Variants in DPYD observed in about 807,000 individuals in gnomAD.
DPYD encodes the protein dihydropyrimidine dehydrogenase, also known as dihydropyrimidine dehydrogenase [NADP(+)].
In DPYD, 109 loss-of-function variants were observed where a neutral mutation model predicts 116.2. That is an observed-to-expected ratio of 0.94 (90% CI 0.80 to 1.10). The LOEUF is 1.10. DPYD is among the 50% of genes least tolerant of loss of function. The probability of loss-of-function intolerance (pLI) is 0.00; values close to 1 mark genes in which losing one functional copy is unlikely to be tolerated. For synonymous variants in DPYD, 440 were observed against 432.0 expected, an observed-to-expected ratio of 1.02 and a Z score of -0.23; for missense variants, 1,302 against 1,254.5, an observed-to-expected ratio of 1.04 and a Z score of -0.57.
In DPYD at chr1:97,823,321, A is replaced by AT. The variant is rs1669060309; in HGVS notation, c.233+4792dup. ...AGGCCCCCGCCACCATACCCGGCTAATTTTTTGCATATTTAGTAGAGACGG... is the reference window on the plus strand; with the variant it reads ...AGGCCCCCGCCACCATACCCGGCTAATTTTTTTGCATATTTAGTAGAGACGG... On this transcript the variant is annotated intron_variant, in intron 3 of 22. Coordinates refer to ENST00000370192, the MANE Select transcript of DPYD (RefSeq NM_000110.4). 4.6e-5 allele frequency among the ~76,000 whole-genome samples: 7 copies of AT among 152,108 alleles called. No homozygotes were observed. The South Asian group carries it at 1.5e-3, about 32-fold the overall frequency.
intron 13 of DPYD, among the ~76,000 whole-genome samples, chr1:97,484,478 G>A (rs7545712): frequency 0.54 from 81,609 of 151,996 alleles, 22,175 homozygotes; most frequent in Admixed American, 0.61. Context: ...TCTGAAGATG[G>A]TAAATATTGG....
intron 2 of DPYD, among the ~76,000 whole-genome samples, chr1:97,838,611 C>T (rs1254241459): frequency 6.7e-6 from 1 of 149,810 alleles, no homozygotes; most frequent in African/African-American, 2.5e-5. Context: ...TTTGGGAGGC[C>T]GAGGCGGGTG....
Position 97,772,505 on chromosome 1 carries a change from T to C in DPYD, c.234-32026A>G, listed in dbSNP as rs372839351. ...AAAAGTATAATTTCAATAGATCACATTGAAGGCAGAAGTGTAATTTCACAG... is the reference window on the plus strand; with the variant it reads ...AAAAGTATAATTTCAATAGATCACACTGAAGGCAGAAGTGTAATTTCACAG... On this transcript the variant is annotated intron_variant, in intron 3 of 22. Coordinates refer to ENST00000370192, the MANE Select transcript of DPYD (RefSeq NM_000110.4). 2.6e-5 allele frequency among the ~76,000 whole-genome samples: 4 copies of C among 152,304 alleles called. No homozygotes were observed. The East Asian group carries it at 5.8e-4, about 22-fold the overall frequency.
In DPYD at chr1:97,398,975, CT is replaced by C. The variant is rs893824379; in HGVS notation, c.1906-16515del. Among the ~76,000 whole-genome samples the C allele has an allele frequency of 1.4e-4, 22 of 152,196 alleles. No homozygotes were observed. In the East Asian group the frequency reaches 4.1e-3, roughly 28 times the overall value. On this transcript the variant is annotated intron_variant, in intron 14 of 22. Transcript: ENST00000370192. The stretch of plus-strand genomic sequence containing the variant: ...ATTAGATCCCATTTGTCAATTTTGT[CT>C]TTTGTTGCCATTGCTTTTGGTGTTT...
chr1:97,375,081 A>T (rs1335418574), intron 15 of DPYD, among the ~76,000 whole-genome samples: 2 of 151,982 alleles, frequency 1.3e-5, no homozygotes, highest in Non-Finnish European at 2.9e-5. Context: ...TGGAGGAATA[A>T]ACTAGCTGAT....
intron 14 of DPYD, among the ~76,000 whole-genome samples, chr1:97,426,727 TA>T (rs557368171): frequency 3.5e-4 from 53 of 152,074 alleles, no homozygotes; most frequent in African/African-American, 1.2e-3. Context: ...GATATTTTAG[TA>T]AAGGCAAAGA....
intron 2 of DPYD, among the ~76,000 whole-genome samples, chr1:97,846,074 G>A (rs1433143336): frequency 6.6e-6 from 1 of 152,170 alleles, no homozygotes; most frequent in Admixed American, 6.5e-5. Flanking sequence ...CTGGTGGTGC[G>A]AGCCGAGAAC....
At chr1:97,323,397 C>T (rs1389371031) in intron 16 of DPYD, among the ~76,000 whole-genome samples, 1 of 43,982 alleles carries the variant, frequency 2.3e-5, no homozygotes, top group Non-Finnish European at 7.3e-5. Flanking sequence ...CGTATGTATA[C>T]ATATGTGTAT....
chr1:97,469,403 A>AAAAAAAAAAAAAAAAAAAAAAAAAC (rs1325755842), intron 13 of DPYD, among the ~76,000 whole-genome samples: 1 of 6,962 alleles, frequency 1.4e-4, no homozygotes, highest in Non-Finnish European at 8.5e-4. Flanking sequence ...ATTGCAAAAA[A>AAAAAAAAAAAAAAAAAAAAAAAAAC]AAAAAAAAAA....
rs564755635 is a variant in DPYD at position 97,585,411 on chromosome 1, T to C, written c.1128+7807A>G. 1.4e-3 allele frequency among the ~76,000 whole-genome samples: 212 copies of C among 152,294 alleles called. 1 individual carries two copies. Among genetic ancestry groups the C allele is most frequent in the African/African-American group, 4.9e-3 (205 of 41,570 alleles). On this transcript the variant is annotated intron_variant, in intron 10 of 22. Coordinates refer to ENST00000370192, the MANE Select transcript of DPYD (RefSeq NM_000110.4). ...GTGTAGTAGTTAGGGGCTCCCCTGG[T>C]ACTAAGATATTAAGTACACCTCTAA...
intron 8 of DPYD, among the ~76,000 whole-genome samples, chr1:97,661,116 A>G (rs72975777): frequency 6.7e-4 from 102 of 152,336 alleles, no homozygotes; most frequent in African/African-American, 2.3e-3. Flanking sequence ...ATTACATATT[A>G]GAGGAGAAAT....
chr1:97,549,129 C>T (rs1328850715), intron 12 of DPYD, among the ~76,000 whole-genome samples: 2 of 151,798 alleles, frequency 1.3e-5, no homozygotes, highest in Non-Finnish European at 2.9e-5. Flanking sequence ...GCAAGTGGCA[C>T]GATCATGGCT....
chr1:97,881,244 T>C (rs866557078), intron 2 of DPYD, among the ~76,000 whole-genome samples: 4 of 151,992 alleles, frequency 2.6e-5, no homozygotes, highest in South Asian at 2.1e-4. Flanking sequence ...TAATCCAATA[T>C]AGCCGATGTC....
In DPYD at chr1:97,699,347, T is replaced by A. The variant is rs549883453; in HGVS notation, c.680+4A>T. On this transcript the variant is annotated splice_donor_region_variant and intron_variant, in intron 6 of 22. Transcript: ENST00000370192. Reference sequence around the variant, plus strand: ...TATAAACATGAAATAAATGTAGGCATTACCTTAAACCACCAACATATTCTT... The same window carrying A: ...TATAAACATGAAATAAATGTAGGCAATACCTTAAACCACCAACATATTCTT... The A allele has an allele frequency of 6.2e-7, 1 of 1,612,704 alleles. No individual in the cohort carries two copies. Among genetic ancestry groups the A allele is most frequent in the Non-Finnish European group, 8.5e-7 (1 of 1,178,814 alleles).
At chr1:97,471,690 G>A (rs939675862) in intron 13 of DPYD, among the ~76,000 whole-genome samples, 7 of 151,818 alleles carry the variant, frequency 4.6e-5, no homozygotes, top group African/African-American at 7.3e-5. Context: ...CCGGGTCCAA[G>A]CGATTCTCCT....
intron 3 of DPYD, among the ~76,000 whole-genome samples, chr1:97,752,896 T>C (rs1411427270): frequency 1.3e-5 from 2 of 152,220 alleles, no homozygotes; most frequent in Admixed American, 6.5e-5. Flanking sequence ...GTTAGTCTAC[T>C]TGGAAATAGA....
intron 8 of DPYD, among the ~76,000 whole-genome samples, chr1:97,599,681 C>T (rs1357729864): frequency 6.6e-6 from 1 of 150,988 alleles, no homozygotes; most frequent in Non-Finnish European, 1.5e-5. Context: ...TAGCACAGAC[C>T]ACAGAGAAAC....
At chr1:97,745,062 C>A (rs1291557155) in intron 3 of DPYD, among the ~76,000 whole-genome samples, 1 of 152,006 alleles carries the variant, frequency 6.6e-6, no homozygotes, top group African/African-American at 2.4e-5. Context: ...CCTATTTATA[C>A]CTCTGTGCTT....
intron 3 of DPYD, among the ~76,000 whole-genome samples, chr1:97,744,692 G>C (rs1664450516): frequency 6.6e-6 from 1 of 151,798 alleles, no homozygotes; most frequent in Non-Finnish European, 1.5e-5. Context: ...TCATCATTTG[G>C]AAAGTCTACC....
Sources: gnomAD v4.1 joint callset for allele counts (sites outside exome capture counted in the v4.1 genomes callset) on GRCh38, gnomAD v4.1.1 for gene constraint, MANE v1.5 for transcripts, NCBI Gene and HGNC (gene_info 2026-07-23, HGNC 2026-07-21) for gene names.